TWIST2: variants seen among roughly 807,000 people sequenced by gnomAD.
The protein encoded by TWIST2 is twist family bHLH transcription factor 2.
Under a neutral mutation model 11.6 loss-of-function variants are expected in TWIST2, and 1 was observed. The observed-to-expected ratio is 0.09, with a 90% CI of 0.03 to 0.41. TWIST2 has a LOEUF of 0.41. TWIST2 is among the 10% of genes least tolerant of loss of function. TWIST2 has a pLI of 0.98. For missense variants in TWIST2, 168 were observed against 226.4 expected, an observed-to-expected ratio of 0.74 and a Z score of 1.66; for synonymous variants, 87 against 96.6, an observed-to-expected ratio of 0.90 and a Z score of 0.58.
intron 1 of TWIST2, among the ~76,000 whole-genome samples, chr2:238,907,530 G>C (rs1352673247): frequency 6.6e-6 from 1 of 152,110 alleles, no homozygotes; most frequent in African/African-American, 2.4e-5. Context: ...CACCAAGCCT[G>C]GCACACCCAC....
intron 1 of TWIST2, among the ~76,000 whole-genome samples, chr2:238,902,748 G>GTT (rs1693288263): frequency 7.4e-6 from 1 of 134,294 alleles, no homozygotes; most frequent in African/African-American, 2.9e-5. Flanking sequence ...TGTGATGGGT[G>GTT]TGATGGGTAT....
At chr2:238,908,320 TAC>T (rs1278711470) in intron 1 of TWIST2, among the ~76,000 whole-genome samples, 3 of 121,872 alleles carry the variant, frequency 2.5e-5, no homozygotes, top group Admixed American at 1.7e-4. Context: ...AGACACCACA[TAC>T]ACACACATAC....
Position 238,864,179 on chromosome 2 carries a change from G to T in TWIST2, c.*35+15446G>T, listed in dbSNP as rs537415901. ...AATATTTGTAAGTTTCCATCAGCAT[G>T]GGGGGAAGGGGCTGGAGGTGAGGGG... is the stretch of plus-strand genomic sequence containing the variant. On this transcript the variant is annotated intron_variant, in intron 1 of 1. Transcript: ENST00000612363. This position sits in a 1 kb window ranked among gnomAD's most constrained non-coding sequence, Gnocchi z 4.7. 2.0e-5 allele frequency among the ~76,000 whole-genome samples: 3 copies of T among 152,122 alleles called. No homozygotes were observed. The highest frequency in any genetic ancestry group is 4.4e-5 in the Non-Finnish European group (3 of 68,020).
At chr2:238,880,176 T>TGTTA (rs1292214110) in intron 1 of TWIST2, among the ~76,000 whole-genome samples, 1 of 152,188 alleles carries the variant, frequency 6.6e-6, no homozygotes, top group African/African-American at 2.4e-5. Flanking sequence ...TTGGTGTTAG[T>TGTTA]GTTAGTATTT....
chr2:238,874,947 G>A (rs1348141747), intron 1 of TWIST2, among the ~76,000 whole-genome samples: 1 of 152,092 alleles, frequency 6.6e-6, no homozygotes, highest in Non-Finnish European at 1.5e-5. Context: ...TCCTCTTCCA[G>A]GCTCTGTTGA....
intron 1 of TWIST2, among the ~76,000 whole-genome samples, chr2:238,901,689 G>A (rs1271280177): frequency 6.6e-6 from 1 of 152,174 alleles, no homozygotes; most frequent in African/African-American, 2.4e-5. Flanking sequence ...CAGGAGGCTG[G>A]GTCCAGACTC....
rs1235028875 is a variant in TWIST2, at chr2:238,906,916, A to C, written c.*36-2926A>C. 7.9e-5 allele frequency among the ~76,000 whole-genome samples: 12 copies of C among 152,250 alleles called. No homozygotes were observed. In the East Asian group the frequency reaches 2.3e-3, roughly 29 times the overall value. On this transcript the variant is annotated intron_variant, in intron 1 of 1. Transcript: ENST00000612363. ...CTTGGCTCAGGGGAGTTCTCCAATAATTCTCGCTGAACACTCACCTCCCGC... is the reference window on the plus strand; with the variant it reads ...CTTGGCTCAGGGGAGTTCTCCAATACTTCTCGCTGAACACTCACCTCCCGC...
intron 1 of TWIST2, among the ~76,000 whole-genome samples, chr2:238,905,000 GAAAA>G (rs1478504573): frequency 6.6e-6 from 1 of 151,726 alleles, no homozygotes; most frequent in Non-Finnish European, 1.5e-5. Context: ...AAGAAAGAAA[GAAAA>G]GAAAGGAAGG....
intron 1 of TWIST2, among the ~76,000 whole-genome samples, chr2:238,902,827 GAT>G (rs1189923461): frequency 8.3e-6 from 1 of 120,172 alleles, no homozygotes; most frequent in Admixed American, 8.4e-5. Flanking sequence ...GTGTGTATGT[GAT>G]ATAGTGTGTG....
intron 1 of TWIST2, among the ~76,000 whole-genome samples, chr2:238,902,556 G>A (rs970297401): frequency 2.0e-5 from 3 of 149,278 alleles, no homozygotes; most frequent in Non-Finnish European, 3.0e-5. Context: ...ATGTGTGTGC[G>A]ATGTGGGGTT....
intron 1 of TWIST2, among the ~76,000 whole-genome samples, chr2:238,902,873 G>A (rs1404661070): frequency 6.4e-5 from 9 of 139,852 alleles, no homozygotes; most frequent in Non-Finnish European, 1.4e-4. Flanking sequence ...TGTGCGTGAT[G>A]TGAGGGGTGT....
chr2:238,853,747 C>T (rs1178516707), intron 1 of TWIST2, among the ~76,000 whole-genome samples: 1 of 152,164 alleles, frequency 6.6e-6, no homozygotes, highest in Non-Finnish European at 1.5e-5. Flanking sequence ...ATTGGAAAAG[C>T]CAACACATAA....
intron 1 of TWIST2, among the ~76,000 whole-genome samples, chr2:238,893,217 G>C (rs954757085): frequency 3.9e-5 from 6 of 152,254 alleles, no homozygotes; most frequent in African/African-American, 1.4e-4. Context: ...TTCAAAAATA[G>C]CTTATTTTAT....
In TWIST2 at chr2:238,862,731, C is replaced by T. The variant is rs142084055; in HGVS notation, c.*35+13998C>T. ...CTTAAGTGAATAATGGCAGAGCTGCCGAGCAACAAAGAAATTCATATCAGC... is the reference window on the plus strand; with the variant it reads ...CTTAAGTGAATAATGGCAGAGCTGCTGAGCAACAAAGAAATTCATATCAGC... On this transcript the variant is annotated intron_variant, in intron 1 of 1. Coordinates refer to ENST00000612363, the MANE Select transcript of TWIST2 (RefSeq NM_001271893.4). Among the ~76,000 whole-genome samples, 352 of 152,198 alleles carry T rather than the reference C, an allele frequency of 2.3e-3. 1 individual carries two copies. The highest frequency in any genetic ancestry group is 3.8e-3 in the Non-Finnish European group (259 of 68,030).
At chr2:238,859,872 G>A (rs1467649985) in intron 1 of TWIST2, among the ~76,000 whole-genome samples, 2 of 152,176 alleles carry the variant, frequency 1.3e-5, no homozygotes, top group Admixed American at 1.3e-4. Flanking sequence ...TTTGTGACAT[G>A]TTGAGTACAC....
chr2:238,852,926 TTATC>T (rs1341685960), intron 1 of TWIST2, among the ~76,000 whole-genome samples: 3 of 152,114 alleles, frequency 2.0e-5, no homozygotes, highest in Non-Finnish European at 2.9e-5. Context: ...GATAAGCAAA[TTATC>T]TAAGAAATTA....
At chr2:238,885,060 G>A (rs533496590) in intron 1 of TWIST2, among the ~76,000 whole-genome samples, 3 of 152,336 alleles carry the variant, frequency 2.0e-5, no homozygotes, top group East Asian at 1.9e-4. Context: ...GCCCTGGTCC[G>A]TTAGGAGCTT....
chr2:238,887,102 C>T (rs1243858565), intron 1 of TWIST2: 1 of 152,058 alleles, frequency 6.6e-6, no homozygotes, highest in Admixed American at 6.6e-5. Context: ...GGTACTCATG[C>T]CCAGTGGAGC....
At chr2:238,860,774 C>T (rs1007087862) in intron 1 of TWIST2, among the ~76,000 whole-genome samples, 1 of 152,146 alleles carries the variant, frequency 6.6e-6, no homozygotes, top group Non-Finnish European at 1.5e-5. Flanking sequence ...CCCGGTTCTA[C>T]CAAAAATACA....
Sources: allele counts gnomAD v4.1 joint callset (sites outside exome capture counted in the v4.1 genomes callset), GRCh38; gene constraint gnomAD v4.1.1; non-coding constraint Gnocchi (gnomAD v3.1); transcripts MANE v1.5; gene names NCBI Gene and HGNC (gene_info 2026-07-23, HGNC 2026-07-21).